DECR1: variants seen among roughly 807,000 people sequenced by gnomAD.
DECR1 encodes the protein 2,4-dienoyl-CoA reductase [(3E)-enoyl-CoA-producing], mitochondrial.
A neutral mutation model predicts 38.8 loss-of-function variants in DECR1; 44 were observed. The observed-to-expected ratio is 1.13, with a 90% CI of 0.89 to 1.46. DECR1 has a LOEUF of 1.46. Ranked by LOEUF, DECR1 falls within the 40% of genes most tolerant of loss-of-function variation. The probability of loss-of-function intolerance (pLI) is 0.00; values close to 1 mark genes in which losing one functional copy is unlikely to be tolerated. For missense variants in DECR1, 428 were observed against 405.5 expected (o/e 1.06, Z -0.48); for synonymous variants, 148 against 135.2 (o/e 1.09, Z -0.66).
At chr8:90,013,715 A>G (rs1812942820) in intron 1 of DECR1, among the ~76,000 whole-genome samples, 1 of 152,190 alleles carries the variant, frequency 6.6e-6, no homozygotes, top group African/African-American at 2.4e-5. Flanking sequence ...TCAAGTTTTA[A>G]AAACATATTT....
rs1813001879 is a variant in DECR1, at chr8:90,016,183, TTA to T, written c.70-939_70-938del. ...AAATAAATAACAGAAATATTCTGTTTTATGTTTTGTGGCCAGAAGCTAGCATG... is the reference window on the plus strand; with the variant it reads ...AAATAAATAACAGAAATATTCTGTTTTGTTTTGTGGCCAGAAGCTAGCATG... On this transcript the variant is annotated intron_variant, in intron 1 of 9. Transcript: ENST00000220764. Among the ~76,000 whole-genome samples, 3 of 152,330 alleles carry T rather than the reference TTA, an allele frequency of 2.0e-5. No homozygotes were observed. The South Asian group carries it at 6.2e-4, about 32-fold the overall frequency.
At chr8:90,030,884 T>G (rs996522271) in intron 5 of DECR1, among the ~76,000 whole-genome samples, 3 of 152,168 alleles carry the variant, frequency 2.0e-5, no homozygotes, top group Non-Finnish European at 4.4e-5. Context: ...AATCACTTTT[T>G]TCTAGAGTCA....
intron 1 of DECR1, among the ~76,000 whole-genome samples, chr8:90,014,096 T>A (rs1338945476): frequency 6.6e-6 from 1 of 152,172 alleles, no homozygotes; most frequent in African/African-American, 2.4e-5. Context: ...GTTTTAAGAA[T>A]TTTAGGTCAC....
At chr8:90,013,439 T>C (rs920882599) in intron 1 of DECR1, among the ~76,000 whole-genome samples, 1 of 144,400 alleles carries the variant, frequency 6.9e-6, no homozygotes, top group African/African-American at 2.6e-5. Flanking sequence ...GTTTCTTGTG[T>C]GTTACTTACA....
chr8:90,052,636 AAAG>A lies in DECR1; in HGVS notation c.*745_*747del, dbSNP rs772875534. Among the ~76,000 whole-genome samples, 51 of 152,296 alleles carry A rather than the reference AAAG, an allele frequency of 3.3e-4. No homozygotes were observed. Among genetic ancestry groups the A allele is most frequent in the Admixed American group, 6.5e-4 (10 of 15,290 alleles). ...GAGATAGCATGCCATCCCAGCTGTA[AAAG>A]AAGAATAGATTTCTCTGGGTAAAAG... On this transcript the variant is annotated 3_prime_UTR_variant, in exon 10 of 10. Transcript: ENST00000220764.
intron 1 of DECR1, among the ~76,000 whole-genome samples, chr8:90,012,469 C>A (rs777208707): frequency 2.6e-5 from 4 of 152,042 alleles, no homozygotes; most frequent in African/African-American, 9.7e-5. Flanking sequence ...TTTAGATTTT[C>A]TATTCTTGGG....
intron 7 of DECR1, 103 bp from the exon 8 acceptor site, chr8:90,044,746 T>G: frequency 8.0e-7 from 1 of 1,248,008 alleles, no homozygotes; most frequent in Non-Finnish European, 1.1e-6. Flanking sequence ...CCTAAGGTTT[T>G]AAGCTGCATG....
Position 90,049,565 on chromosome 8 carries a change from A to G in DECR1, c.886-2112A>G, listed in dbSNP as rs977924841. On this transcript the variant is annotated intron_variant, in intron 8 of 9. Coordinates refer to ENST00000220764, the MANE Select transcript of DECR1 (RefSeq NM_001359.2). The stretch of plus-strand genomic sequence containing the variant: ...ATGGAAGAACATTCCATGCTCATGG[A>G]TAGGAAGAATCAATGTGTGAAAATG... Among the ~76,000 whole-genome samples the G allele has an allele frequency of 5.3e-5, 8 of 152,336 alleles. No homozygotes were observed. In the South Asian group the frequency reaches 1.4e-3, roughly 28 times the overall value.
intron 8 of DECR1, among the ~76,000 whole-genome samples, chr8:90,045,622 C>A (rs1563656926): frequency 2.0e-5 from 3 of 152,224 alleles, no homozygotes; most frequent in Non-Finnish European, 4.4e-5. Context: ...CATAGCTGAA[C>A]AAAAGGCAGC....
Position 90,050,933 on chromosome 8 carries a change from C to G in DECR1, c.886-744C>G, listed in dbSNP as rs191882928. 1.1e-3 allele frequency among the ~76,000 whole-genome samples: 160 copies of G among 152,180 alleles called. No homozygotes were observed. In the Middle Eastern group the frequency reaches 0.024, roughly 23 times the overall value. On this transcript the variant is annotated intron_variant, in intron 8 of 9. Transcript: ENST00000220764. ...GCAAACTCTCACAAAGACAGAAAAC[C>G]AAACACCGCATGTTCTCACTCATAA...
chr8:90,052,149 A>T lies in DECR1; in HGVS notation c.*252A>T. On this transcript the variant is annotated 3_prime_UTR_variant, in exon 10 of 10. Transcript: ENST00000220764. ...GGTAAAGGCTCCTCTTTACCTATTG[A>T]TAGAGGTAAAAAGTACTTAGAAGTG... 2.3e-6 allele frequency: 1 copy of T among 430,534 alleles called. No homozygotes were observed. Among genetic ancestry groups the T allele is most frequent in the Non-Finnish European group, 4.1e-6 (1 of 242,128 alleles). 26.7% of individuals were successfully genotyped at this position (430,534 alleles called of 1,614,324 possible).
chr8:90,028,716 C>T (rs1813416970), intron 5 of DECR1, among the ~76,000 whole-genome samples: 1 of 149,878 alleles, frequency 6.7e-6, no homozygotes, highest in African/African-American at 2.5e-5. Flanking sequence ...TTCCTTCCTC[C>T]CTTCCTTTCT....
At chr8:90,028,385 AT>A (rs974594726) in intron 5 of DECR1, among the ~76,000 whole-genome samples, 5 of 151,890 alleles carry the variant, frequency 3.3e-5, no homozygotes, top group African/African-American at 1.2e-4. Flanking sequence ...TTCTTAAAAA[AT>A]TTTTTTTGCT....
At chr8:90,017,354 C>T (rs765788282) in intron 2 of DECR1, 28 bp downstream of exon 2, 7 of 1,585,812 alleles carry the variant, frequency 4.4e-6, no homozygotes, top group East Asian at 2.2e-5. Context: ...AGCCTATTGG[C>T]GACGCTTTTG....
At position 90,053,452 on chromosome 8, in the gene DECR1, A is replaced by G. The variant is rs939340195; in HGVS notation, c.*1555A>G. On this transcript the variant is annotated 3_prime_UTR_variant, in exon 10 of 10. Transcript: ENST00000220764. ...GTGTTGATATTGTGTTCACACACCA[A>G]TAATGATGGTTTATCACTCACTCCA... 1.3e-5 allele frequency among the ~76,000 whole-genome samples: 2 copies of G among 152,142 alleles called. No individual in the cohort carries two copies. Among genetic ancestry groups the G allele is most frequent in the Non-Finnish European group, 2.9e-5 (2 of 68,018 alleles).
intron 5 of DECR1, among the ~76,000 whole-genome samples, chr8:90,024,677 C>A (rs967216892): frequency 9.9e-5 from 15 of 152,254 alleles, no homozygotes; most frequent in African/African-American, 2.9e-4. Context: ...GTTGCCTGTT[C>A]ACTCTGATGG....
chr8:90,034,829 A>G (rs1813580641), intron 5 of DECR1, among the ~76,000 whole-genome samples: 2 of 152,198 alleles, frequency 1.3e-5, no homozygotes, highest in African/African-American at 2.4e-5. Flanking sequence ...ACTTTGTAAT[A>G]TAGCTTTTAT....
intron 2 of DECR1, among the ~76,000 whole-genome samples, chr8:90,018,248 A>G (rs942989186): frequency 1.3e-5 from 2 of 152,236 alleles, no homozygotes; most frequent in African/African-American, 4.8e-5. Flanking sequence ...TGTGATGAAT[A>G]TAGGAAGGGT....
At chr8:90,003,853 C>T (rs150616037) in intron 1 of DECR1, among the ~76,000 whole-genome samples, 324 of 152,118 alleles carry the variant, frequency 2.1e-3, no homozygotes, top group African/African-American at 7.5e-3. Flanking sequence ...GCAGGAGAAT[C>T]GCTTTAACCT....
Sources: allele counts gnomAD v4.1 joint callset (sites outside exome capture counted in the v4.1 genomes callset), GRCh38; gene constraint gnomAD v4.1.1; transcripts MANE v1.5; gene names NCBI Gene and HGNC (gene_info 2026-07-23, HGNC 2026-07-21).